Variants in CDYL observed in about 807,000 individuals in gnomAD.
CDYL encodes the protein chromodomain Y-like protein.
CDYL carries 8 observed loss-of-function variants against 47.3 expected under a neutral mutation model. That is an observed-to-expected ratio of 0.17 (90% confidence interval 0.10 to 0.31). CDYL has a LOEUF of 0.31. Ranked by LOEUF, CDYL falls within the 10% of genes least tolerant of loss-of-function variation. The probability of loss-of-function intolerance (pLI) is 1.00; values close to 1 mark genes in which losing one functional copy is unlikely to be tolerated. For missense variants in CDYL, 471 were observed against 701.4 expected (o/e 0.67, Z 3.71); for synonymous variants, 266 against 265.0 (o/e 1.00, Z -0.04).
At chr6:4,865,175 C>T (rs1761286204) in intron 1 of CDYL, among the ~76,000 whole-genome samples, 1 of 152,130 alleles carries the variant, frequency 6.6e-6, no homozygotes, top group African/African-American at 2.4e-5. Flanking sequence ...CCCTGAGTTA[C>T]TCCTGGTCAC....
chr6:4,733,389 G>A (rs1229913575), intron 2 of CDYL: 4 of 147,522 alleles, frequency 2.7e-5, no homozygotes, highest in African/African-American at 1.0e-4. Context: ...TTAAAAAAAT[G>A]AAACCGTAAA....
In CDYL at chr6:4,794,773, GTTT is replaced by G. The variant is rs373266616; in HGVS notation, c.24+17969_24+17971del. Among the ~76,000 whole-genome samples, 1,305 of 152,216 alleles carry G rather than the reference GTTT, an allele frequency of 8.6e-3. 21 individuals carry two copies. The highest frequency in any genetic ancestry group is 0.03 in the African/African-American group (1,255 of 41,554). The stretch of plus-strand genomic sequence containing the variant: ...TCTTGATTGATTCCTAGAAACTAGA[GTTT>G]TTGTTGTTGTTGTTGTTGGTCTCGT... On this transcript the variant is annotated intron_variant, in intron 1 of 6. Coordinates refer to ENST00000397588, the MANE Select transcript of CDYL (RefSeq NM_004824.4).
chr6:4,931,062 A>G (rs1222259181), intron 2 of CDYL, among the ~76,000 whole-genome samples: 1 of 151,988 alleles, frequency 6.6e-6, no homozygotes, highest in Non-Finnish European at 1.5e-5. Context: ...GCTTGGGTTG[A>G]GGTAATGAGC....
In CDYL at chr6:4,873,572, G is replaced by A. The variant is rs759111374; in HGVS notation, c.25-18141G>A. Among the ~76,000 whole-genome samples, 4 of 152,082 alleles carry A rather than the reference G, an allele frequency of 2.6e-5. No homozygotes were observed. The East Asian group carries it at 5.8e-4, about 22-fold the overall frequency. ...TTTAATGGGATGGATAGAAATTCAC[G>A]CTTGTTAATAACTTAAATCATAGCA... On this transcript the variant is annotated intron_variant, in intron 1 of 6. Coordinates refer to ENST00000397588, the MANE Select transcript of CDYL (RefSeq NM_004824.4).
chr6:4,837,956 T>TA (rs200047662), intron 1 of CDYL, among the ~76,000 whole-genome samples: 2 of 148,746 alleles, frequency 1.3e-5, no homozygotes, highest in African/African-American at 2.5e-5. Context: ...TTTTTTTTTT[T>TA]AAATAGAGAT....
chr6:4,925,609 G>A (rs1348144541), intron 2 of CDYL, among the ~76,000 whole-genome samples: 1 of 151,806 alleles, frequency 6.6e-6, no homozygotes, highest in East Asian at 1.9e-4. Flanking sequence ...GTAGAGGCGG[G>A]GTTTCACCGT....
intron 1 of CDYL, among the ~76,000 whole-genome samples, chr6:4,822,909 A>G (rs553485736): frequency 2.4e-4 from 36 of 152,336 alleles, no homozygotes; most frequent in Middle Eastern, 3.4e-3. Context: ...ACCACCTTGT[A>G]AGGATAAATT....
intron 2 of CDYL, among the ~76,000 whole-genome samples, chr6:4,910,051 CTGGT>C (rs1757364266): frequency 6.9e-6 from 1 of 143,896 alleles, no homozygotes; most frequent in Non-Finnish European, 1.5e-5. Flanking sequence ...TTTTTTTAAT[CTGGT>C]TGACCTCTTA....
At chr6:4,786,091 GGTCA>G (rs747682534) in intron 1 of CDYL, among the ~76,000 whole-genome samples, 5 of 152,130 alleles carry the variant, frequency 3.3e-5, no homozygotes, top group African/African-American at 1.2e-4. Context: ...TAAATTTTAT[GGTCA>G]TTTCCACCCA....
Position 4,788,431 on chromosome 6 carries a change from C to T in CDYL, c.24+11624C>T, listed in dbSNP as rs141820028. ...CCAGGAGGTGGAGTTAGCAGTGAGC[C>T]GAGATCACCTCACTGCACTCCAGCC... is the stretch of plus-strand genomic sequence containing the variant. On this transcript the variant is annotated intron_variant, in intron 1 of 6. Transcript: ENST00000397588. Among the ~76,000 whole-genome samples, 243 of 131,266 alleles carry T rather than the reference C, an allele frequency of 1.9e-3. 1 individual carries two copies. Among genetic ancestry groups the T allele is most frequent in the African/African-American group, 6.8e-3 (235 of 34,788 alleles). 86.1% of individuals were successfully genotyped at this position (131,266 alleles called of 152,430 possible). A position where few individuals can be genotyped will look rare whatever the true frequency, so the allele number is the denominator to read the frequency against.
At chr6:4,825,796 A>C (rs1581192482) in intron 1 of CDYL, among the ~76,000 whole-genome samples, 1 of 152,098 alleles carries the variant, frequency 6.6e-6, no homozygotes, top group Admixed American at 6.5e-5. Context: ...TTGTAACCCA[A>C]AAATTAATAA....
chr6:4,806,059 G>A (rs910248160), intron 1 of CDYL, among the ~76,000 whole-genome samples: 1 of 152,250 alleles, frequency 6.6e-6, no homozygotes, highest in African/African-American at 2.4e-5. Flanking sequence ...GCTGAGATTC[G>A]ACCGCAGGGA....
At chr6:4,937,022 GGCTATGAT>G (rs1329107581) in intron 3 of CDYL, among the ~76,000 whole-genome samples, 1 of 152,128 alleles carries the variant, frequency 6.6e-6, no homozygotes, top group Non-Finnish European at 1.5e-5. Flanking sequence ...AACTGTATCA[GGCTATGAT>G]GCATTTTTCA....
chr6:4,730,853 G>A (rs909151094), intron 2 of CDYL, among the ~76,000 whole-genome samples: 4 of 151,934 alleles, frequency 2.6e-5, no homozygotes, highest in African/African-American at 7.3e-5. Context: ...TCACCACCCC[G>A]TTCTGGTGAC....
intron 1 of CDYL, among the ~76,000 whole-genome samples, chr6:4,847,439 A>G (rs1433405196): frequency 6.6e-6 from 1 of 151,768 alleles, no homozygotes; most frequent in Non-Finnish European, 1.5e-5. Flanking sequence ...CTTTGATTCC[A>G]TTTTTCTCTA....
chr6:4,886,526 C>A (rs1237415070), intron 1 of CDYL, among the ~76,000 whole-genome samples: 1 of 152,114 alleles, frequency 6.6e-6, no homozygotes, highest in East Asian at 1.9e-4. Context: ...GTATCTTCTT[C>A]GGAGAAATGT....
chr6:4,821,728 T>C (rs775683706), intron 1 of CDYL, among the ~76,000 whole-genome samples: 19 of 150,154 alleles, frequency 1.3e-4, no homozygotes, highest in Non-Finnish European at 2.8e-4. Context: ...AGAGCAAGAC[T>C]GTATCTCGGG....
chr6:4,848,311 G>C (rs1182866758), intron 1 of CDYL, among the ~76,000 whole-genome samples: 1 of 152,056 alleles, frequency 6.6e-6, no homozygotes, highest in Non-Finnish European at 1.5e-5. Context: ...ATTGATTCTT[G>C]GTGCTTTTTT....
chr6:4,929,884 A>G lies in CDYL; in HGVS notation c.692-5631A>G, dbSNP rs1346457413. Among the ~76,000 whole-genome samples the G allele has an allele frequency of 2.0e-5, 3 of 149,548 alleles. No individual in the cohort carries two copies. In the East Asian group the frequency reaches 5.8e-4, roughly 29 times the overall value. ...TATTTTCCCACTTTTTTGCTTATCTAGTAATGGTTGGTTGATGAACATTGT... is the reference window on the plus strand; with the variant it reads ...TATTTTCCCACTTTTTTGCTTATCTGGTAATGGTTGGTTGATGAACATTGT... On this transcript the variant is annotated intron_variant, in intron 2 of 6. Coordinates refer to ENST00000397588, the MANE Select transcript of CDYL (RefSeq NM_004824.4).
Sources: allele counts gnomAD v4.1 joint callset (sites outside exome capture counted in the v4.1 genomes callset), GRCh38; gene constraint gnomAD v4.1.1; transcripts MANE v1.5; gene names NCBI Gene and HGNC (gene_info 2026-07-23, HGNC 2026-07-21).